SPARCL1: variants seen among roughly 807,000 people sequenced by gnomAD.
SPARCL1 encodes the protein SPARC-like protein 1.
In SPARCL1, 52 loss-of-function variants were observed where a neutral mutation model predicts 67.1. That is an observed-to-expected ratio of 0.78 (90% CI 0.62 to 0.98). The LOEUF (loss-of-function observed/expected upper bound fraction) is 0.98. SPARCL1 is among the 50% of genes least tolerant of loss of function. SPARCL1 has a pLI of 0.00. For missense variants in SPARCL1, 717 were observed against 782.4 expected, an observed-to-expected ratio of 0.92 and a Z score of 1.00; for synonymous variants, 226 against 267.8, an observed-to-expected ratio of 0.84 and a Z score of 1.52.
At chr4:87,525,475 G>A (rs1353927737) in intron 1 of SPARCL1, among the ~76,000 whole-genome samples, 1 of 152,168 alleles carries the variant, frequency 6.6e-6, no homozygotes, top group Non-Finnish European at 1.5e-5. Flanking sequence ...ATAGCACATC[G>A]TGAAGATGGG....
intron 1 of SPARCL1, among the ~76,000 whole-genome samples, chr4:87,505,199 C>A (rs1304899376): frequency 1.3e-5 from 2 of 152,120 alleles, no homozygotes; most frequent in Admixed American, 6.5e-5. Context: ...GATCCTCTAA[C>A]CCTAATATTT....
intron 1 of SPARCL1, among the ~76,000 whole-genome samples, chr4:87,508,134 A>G (rs939523468): frequency 2.0e-5 from 3 of 152,216 alleles, no homozygotes; most frequent in Admixed American, 2.0e-4. Flanking sequence ...AAATGTGTTT[A>G]GACAAAAAGG....
At chr4:87,501,679 T>C (rs1724858419) in intron 1 of SPARCL1, among the ~76,000 whole-genome samples, 1 of 152,162 alleles carries the variant, frequency 6.6e-6, no homozygotes, top group Non-Finnish European at 1.5e-5. Context: ...TTCTGAAATA[T>C]TACCATCTCT....
intron 7 of SPARCL1, among the ~76,000 whole-genome samples, chr4:87,487,593 T>C (rs1724128896): frequency 6.6e-6 from 1 of 152,138 alleles, no homozygotes; most frequent in Admixed American, 6.5e-5. Context: ...TTCGTGAGGA[T>C]TATCTTTGTG....
chr4:87,499,243 T>C (rs1724748405), intron 2 of SPARCL1, among the ~76,000 whole-genome samples: 1 of 152,172 alleles, frequency 6.6e-6, no homozygotes, highest in African/African-American at 2.4e-5. Flanking sequence ...TCCTGTCTCT[T>C]GTGTATTTGG....
intron 8 of SPARCL1, among the ~76,000 whole-genome samples, 154 bp from the exon 9 acceptor site, chr4:87,480,674 A>G (rs1037937149): frequency 2.0e-5 from 3 of 152,214 alleles, no homozygotes; most frequent in Non-Finnish European, 2.9e-5. Context: ...CTTCCAATCA[A>G]TACTACAGGC....
chr4:87,522,140 G>A (rs1356456507), intron 1 of SPARCL1, among the ~76,000 whole-genome samples: 3 of 152,124 alleles, frequency 2.0e-5, no homozygotes, highest in African/African-American at 7.2e-5. Context: ...GAGCTCTATG[G>A]TTTGGCCCTA....
In SPARCL1 at chr4:87,490,340, A is replaced by G; in HGVS notation, c.1464T>C (p.Thr488=). ...TTTTGGTCCCCTCCAGTCTGCATTT[A>G]GTAGCGAATAGATGACAGGAACTAG... is the stretch of plus-strand genomic sequence containing the variant. The part of the protein sequence containing the change: ...TYASSCHLFA[T]KCRLEGTKKG... The change falls in exon 7 of 11, where the codon ACT becomes ACC. Residue 488 remains threonine (T), a synonymous_variant. Transcript: ENST00000282470. The G allele has an allele frequency of 6.2e-7, 1 of 1,613,668 alleles. No homozygotes were observed. Among genetic ancestry groups the G allele is most frequent in the Non-Finnish European group, 8.5e-7 (1 of 1,179,778 alleles).
At chr4:87,508,963 C>G (rs1412357305) in intron 1 of SPARCL1, among the ~76,000 whole-genome samples, 3 of 146,798 alleles carry the variant, frequency 2.0e-5, no homozygotes, top group African/African-American at 5.0e-5. Context: ...TCAGATCCCA[C>G]AGGTTGAGGG....
At chr4:87,499,314 T>C (rs1724750206) in intron 2 of SPARCL1, among the ~76,000 whole-genome samples, 1 of 152,244 alleles carries the variant, frequency 6.6e-6, no homozygotes, top group East Asian at 1.9e-4. Context: ...TATTGTGTCC[T>C]GTAGAACCTG....
At chr4:87,504,183 G>GTGTGTGT (rs1553970309) in intron 1 of SPARCL1, among the ~76,000 whole-genome samples, 152 of 94,474 alleles carry the variant, frequency 1.6e-3, no homozygotes, top group Non-Finnish European at 2.5e-3. Context: ...GTGTGTGTGT[G>GTGTGTGT]GTGGGGTGGG....
chr4:87,506,675 A>G (rs1343427339), intron 1 of SPARCL1, among the ~76,000 whole-genome samples: 1 of 152,134 alleles, frequency 6.6e-6, no homozygotes. Flanking sequence ...TTGAACGGGA[A>G]CTATACAATT....
At position 87,494,228 on chromosome 4, in the gene SPARCL1, T is replaced by C; in HGVS notation, c.572A>G (p.Gln191Arg). ...ATTGGAAATATTTGGATCCTGCTCT[T>C]GGTTTCCTTGATCCCTTAGGCCTTG... ...HSQGLRDQGN[Q>R]EQDPNISNGE... The change falls in exon 4 of 11, where the codon CAA becomes CGA. Residue 191 changes from glutamine (Q) to arginine (R), a missense_variant. By Grantham distance (43) the Gln-to-Arg change is conservative (BLOSUM62 1). Coordinates refer to ENST00000282470, the MANE Select transcript of SPARCL1 (RefSeq NM_004684.6). The C allele has an allele frequency of 8.1e-6, 13 of 1,614,196 alleles. No individual in the cohort carries two copies. Among genetic ancestry groups the C allele is most frequent in the African/African-American group, 1.3e-5 (1 of 75,060 alleles).
intron 4 of SPARCL1, among the ~76,000 whole-genome samples, chr4:87,492,165 C>T (rs968770583): frequency 2.0e-5 from 3 of 151,978 alleles, no homozygotes; most frequent in African/African-American, 7.2e-5. Context: ...AGCCTGTAAT[C>T]CCAGCACTTT....
At chr4:87,479,673 TG>T in intron 9 of SPARCL1, 95 bp from the exon 10 acceptor site, 1 of 1,177,852 alleles carries the variant, frequency 8.5e-7, no homozygotes, top group Non-Finnish European at 1.2e-6. Context: ...CCCATAAGGT[TG>T]CTGTATATGT....
chr4:87,497,418 G>A (rs1424505129), intron 2 of SPARCL1, among the ~76,000 whole-genome samples: 6 of 152,142 alleles, frequency 3.9e-5, no homozygotes, highest in South Asian at 2.1e-4. Context: ...CCCTCCATCC[G>A]CCTACTGCCC....
chr4:87,528,093 G>A (rs1726125230), intron 1 of SPARCL1: 1 of 152,194 alleles, frequency 6.6e-6, no homozygotes, highest in African/African-American at 2.4e-5. Flanking sequence ...GCAGATTAAA[G>A]GCAGTGCAAA....
At chr4:87,520,680 G>C (rs1725775250) in intron 1 of SPARCL1, among the ~76,000 whole-genome samples, 1 of 152,170 alleles carries the variant, frequency 6.6e-6, no homozygotes, top group African/African-American at 2.4e-5. Context: ...GTTGTAATTG[G>C]ATTTCACCAT....
At chr4:87,514,277 T>G (rs1332987571) in intron 1 of SPARCL1, among the ~76,000 whole-genome samples, 3 of 152,222 alleles carry the variant, frequency 2.0e-5, no homozygotes, top group Non-Finnish European at 2.9e-5. Context: ...CAAAAAGAGC[T>G]ATCGAATGCT....
Sources: gnomAD v4.1 joint callset for allele counts (sites outside exome capture counted in the v4.1 genomes callset) on GRCh38, gnomAD v4.1.1 for gene constraint, MANE v1.5 for transcripts, NCBI Gene and HGNC (gene_info 2026-07-23, HGNC 2026-07-21) for gene names.